ST8SIA2: variants seen among roughly 807,000 people sequenced by gnomAD.
ST8SIA2 encodes the protein ST8 alpha-N-acetyl-neuraminide alpha-2,8-sialyltransferase 2, also known as alpha-2,8-sialyltransferase 8B.
A neutral mutation model predicts 37.6 loss-of-function variants in ST8SIA2; 22 were observed. The ratio of observed to expected loss-of-function variants is 0.58; its 90% CI spans 0.42 to 0.83. ST8SIA2 has a LOEUF of 0.83. Among genes scored for constraint, ST8SIA2 ranks in the 40% least tolerant of loss-of-function variants. ST8SIA2 has a pLI of 0.00. For synonymous variants in ST8SIA2, 205 were observed against 201.2 expected (o/e 1.02, Z -0.16); for missense variants, 382 against 484.7 (o/e 0.79, Z 1.99).
At chr15:92,439,686 C>T (rs1328691708) in intron 4 of ST8SIA2, among the ~76,000 whole-genome samples, 1 of 152,198 alleles carries the variant, frequency 6.6e-6, no homozygotes, top group East Asian at 1.9e-4. Context: ...AGCCTGGCAG[C>T]CAGAGTTTTG....
intron 1 of ST8SIA2, among the ~76,000 whole-genome samples, chr15:92,412,240 T>A (rs2049554852): frequency 1.4e-5 from 2 of 147,508 alleles, no homozygotes; most frequent in Non-Finnish European, 1.5e-5. Flanking sequence ...AATAAAAGAG[T>A]GCATCTGTAA....
chr15:92,454,761 G>GCTTCAGC (rs1380525721), intron 5 of ST8SIA2, among the ~76,000 whole-genome samples: 119 of 152,252 alleles, frequency 7.8e-4, no homozygotes, highest in African/African-American at 2.8e-3. Context: ...GGCCTGTGGG[G>GCTTCAGC]TGGCACGGAG....
At chr15:92,460,425 T>A (rs2049949473) in intron 5 of ST8SIA2, among the ~76,000 whole-genome samples, 1 of 152,224 alleles carries the variant, frequency 6.6e-6, no homozygotes, top group African/African-American at 2.4e-5. Flanking sequence ...GTGAGCTCCC[T>A]GTTATGGGAC....
At chr15:92,459,239 G>C (rs2049941174) in intron 5 of ST8SIA2, among the ~76,000 whole-genome samples, 1 of 152,208 alleles carries the variant, frequency 6.6e-6, no homozygotes, top group South Asian at 2.1e-4. Context: ...TCTGGCCTGT[G>C]TTAGGGCTTG....
Position 92,393,993 on chromosome 15 carries a change from G to C in ST8SIA2, c.-72G>C, listed in dbSNP as rs2049409557. On this transcript the variant is annotated 5_prime_UTR_variant, in exon 1 of 6. Transcript: ENST00000268164. ...GCGCGCGGCGCGCGGAGGCTCCGGC[G>C]TCCGCCGCTGCGCCCTCCGGCCCCT... The C allele has an allele frequency of 5.2e-6, 6 of 1,163,134 alleles. No individual in the cohort carries two copies. Among genetic ancestry groups the C allele is most frequent in the Non-Finnish European group, 5.7e-6 (5 of 873,242 alleles). The allele number at this position is 1,163,134 out of a possible 1,614,324, so 72.1% of individuals were successfully genotyped here. A position where few individuals can be genotyped will look rare whatever the true frequency, so the allele number is the denominator to read the frequency against.
intron 4 of ST8SIA2, 66 bp downstream of exon 4, chr15:92,438,676 G>C (rs2049778776): frequency 4.7e-6 from 7 of 1,499,870 alleles, no homozygotes; most frequent in Non-Finnish European, 5.3e-6. Flanking sequence ...GTGGAGCATT[G>C]CCAGCTGTCC....
Position 92,464,304 on chromosome 15 carries a change from C to G in ST8SIA2, c.1047C>G (p.Pro349=), listed in dbSNP as rs1457684146. 2 of 1,613,934 alleles carry G rather than the reference C, an allele frequency of 1.2e-6. No homozygotes were observed. Among genetic ancestry groups the G allele is most frequent in the Non-Finnish European group, 1.7e-6 (2 of 1,179,994 alleles). ...YTSQASPHTM[P]LEFKALKSLH... ...CCCAGGCCAGCCCGCATACCATGCC[C>G]TTGGAGTTTAAGGCCCTCAAGAGCC... Residue 349 remains proline (P), a synonymous_variant, in exon 6 of 6, where the codon CCC becomes CCG. Coordinates refer to ENST00000268164, the MANE Select transcript of ST8SIA2 (RefSeq NM_006011.4).
At chr15:92,446,672 A>T (rs1192644534) in intron 5 of ST8SIA2, among the ~76,000 whole-genome samples, 3 of 152,176 alleles carry the variant, frequency 2.0e-5, no homozygotes, top group South Asian at 2.1e-4. Flanking sequence ...AATAAATAAG[A>T]TACTTTTAAA....
At chr15:92,452,359 C>G (rs1016957784) in intron 5 of ST8SIA2, among the ~76,000 whole-genome samples, 2 of 152,172 alleles carry the variant, frequency 1.3e-5, no homozygotes, top group African/African-American at 4.8e-5. Context: ...TGTTTGAGAA[C>G]CACTGCTACC....
At chr15:92,405,506 AAC>A (rs1291158479) in intron 1 of ST8SIA2, among the ~76,000 whole-genome samples, 2 of 152,358 alleles carry the variant, frequency 1.3e-5, no homozygotes, top group Middle Eastern at 3.4e-3. Flanking sequence ...CCACAATTGA[AAC>A]ACACACGCGC....
intron 1 of ST8SIA2, among the ~76,000 whole-genome samples, chr15:92,409,455 A>C (rs1293525569): frequency 1.3e-5 from 2 of 152,228 alleles, no homozygotes; most frequent in Non-Finnish European, 2.9e-5. Context: ...CTGTCTTGGA[A>C]ATAGGCAGAG....
intron 4 of ST8SIA2, among the ~76,000 whole-genome samples, 168 bp downstream of exon 4, chr15:92,438,778 T>A (rs1458647526): frequency 6.6e-6 from 1 of 152,220 alleles, no homozygotes; most frequent in East Asian, 1.9e-4. Context: ...TCGCCTCCAA[T>A]GTCCAGAATG....
chr15:92,396,101 G>C (rs949179693), intron 1 of ST8SIA2, among the ~76,000 whole-genome samples: 4 of 152,126 alleles, frequency 2.6e-5, no homozygotes, highest in Non-Finnish European at 5.9e-5. Flanking sequence ...TCCTGTCTCT[G>C]CTGGGCCAAT....
intron 2 of ST8SIA2, among the ~76,000 whole-genome samples, chr15:92,430,668 C>T (rs551111858): frequency 6.6e-6 from 1 of 152,192 alleles, no homozygotes; most frequent in Non-Finnish European, 1.5e-5. Flanking sequence ...TGCAGGACAG[C>T]GTGCAAACCC....
At chr15:92,456,655 C>A (rs374326344) in intron 5 of ST8SIA2, among the ~76,000 whole-genome samples, 1 of 152,108 alleles carries the variant, frequency 6.6e-6, no homozygotes, top group East Asian at 1.9e-4. Context: ...TAGCCAGGAC[C>A]ACATAGGACG....
chr15:92,400,101 C>T (rs534831693), intron 1 of ST8SIA2, among the ~76,000 whole-genome samples: 3 of 152,284 alleles, frequency 2.0e-5, no homozygotes, highest in African/African-American at 4.8e-5. Context: ...GCGCACACAC[C>T]ATCCTTCCTG....
In ST8SIA2 at chr15:92,468,086, CCACTAGCACTAATCTCGACTCTT is replaced by C. The variant is rs1435790073; in HGVS notation, c.*3702_*3724del. On this transcript the variant is annotated 3_prime_UTR_variant, in exon 6 of 6. Transcript: ENST00000268164. ...CCCTGTCCTGCCTTGCTAATTCTTC[CCACTAGCACTAATCTCGACTCTT>C]TGTCACTTGGACTATTTCAGCAACA... 3 of 152,274 alleles carry C rather than the reference CCACTAGCACTAATCTCGACTCTT, an allele frequency of 2.0e-5. No homozygotes were observed. Among genetic ancestry groups the C allele is most frequent in the Non-Finnish European group, 4.4e-5 (3 of 68,038 alleles). 9.4% of individuals were successfully genotyped at this position (152,274 alleles called of 1,614,324 possible).
intron 5 of ST8SIA2, among the ~76,000 whole-genome samples, chr15:92,452,842 A>G (rs2049891761): frequency 6.6e-6 from 1 of 152,200 alleles, no homozygotes; most frequent in African/African-American, 2.4e-5. Context: ...TAAGGAAATT[A>G]AGGCTCAGAA....
intron 5 of ST8SIA2, among the ~76,000 whole-genome samples, chr15:92,456,722 C>T (rs2049922106): frequency 6.6e-6 from 1 of 152,154 alleles, no homozygotes; most frequent in Admixed American, 6.5e-5. Context: ...ACACTGGGTA[C>T]TGGGAGAGAT....
Sources: allele counts gnomAD v4.1 joint callset (sites outside exome capture counted in the v4.1 genomes callset), GRCh38; gene constraint gnomAD v4.1.1; transcripts MANE v1.5; gene names NCBI Gene and HGNC (gene_info 2026-07-23, HGNC 2026-07-21).